SLC4A4: variants seen among roughly 807,000 people sequenced by gnomAD.
SLC4A4 encodes the protein solute carrier family 4 member 4, also known as electrogenic sodium bicarbonate cotransporter 1.
A neutral mutation model predicts 111.5 loss-of-function variants in SLC4A4; 27 were observed. The observed-to-expected ratio is 0.24, with a 90% CI of 0.18 to 0.33. The LOEUF is 0.33. Ranked by LOEUF, SLC4A4 falls within the 10% of genes least tolerant of loss-of-function variation. SLC4A4 has a pLI of 1.00. For missense variants in SLC4A4, 909 were observed against 1,315.5 expected, an observed-to-expected ratio of 0.69 and a Z score of 4.78; for synonymous variants, 443 against 463.4, an observed-to-expected ratio of 0.96 and a Z score of 0.57.
chr4:71,531,094 G>T (rs560282985), intron 16 of SLC4A4, among the ~76,000 whole-genome samples: 4 of 152,228 alleles, frequency 2.6e-5, no homozygotes, highest in East Asian at 3.9e-4. Flanking sequence ...ATTAAATTAT[G>T]TGCTAACATG....
At chr4:71,422,670 T>A (rs1009863064) in intron 7 of SLC4A4, among the ~76,000 whole-genome samples, 118 of 151,596 alleles carry the variant, frequency 7.8e-4, no homozygotes, top group Non-Finnish European at 1.4e-3. Context: ...CTGGGATGCA[T>A]GGCTGGTTCA....
In SLC4A4 at chr4:71,558,158, G is replaced by C. The variant is rs556209804; in HGVS notation, c.2937+273G>C. On this transcript the variant is annotated intron_variant, in intron 22 of 25. Transcript: ENST00000264485. ...CTATTACCTCATCAGTAAAATGGGA[G>C]TTGCATTGTTGTTTTTCTGAGCATC... is the stretch of plus-strand genomic sequence containing the variant. 2.0e-5 allele frequency among the ~76,000 whole-genome samples: 3 copies of C among 152,062 alleles called. No homozygotes were observed. The South Asian group carries it at 6.2e-4, about 31-fold the overall frequency.
intron 14 of SLC4A4, among the ~76,000 whole-genome samples, chr4:71,476,675 T>C (rs1728401952): frequency 6.6e-6 from 1 of 151,738 alleles, no homozygotes; most frequent in Non-Finnish European, 1.5e-5. Context: ...AGCCTAATCA[T>C]TTCCTAATTT....
chr4:71,314,765 C>T (rs1045083212), intron 3 of SLC4A4, among the ~76,000 whole-genome samples: 4 of 150,910 alleles, frequency 2.7e-5, no homozygotes, highest in Admixed American at 1.3e-4. Context: ...TGGGGCCTTT[C>T]GGGGAGTGGG....
At chr4:71,417,509 C>A (rs1212436339) in intron 7 of SLC4A4, among the ~76,000 whole-genome samples, 2 of 152,102 alleles carry the variant, frequency 1.3e-5, no homozygotes, top group Non-Finnish European at 2.9e-5. Flanking sequence ...CATGGCACAA[C>A]AGTGAAAGAG....
chr4:71,486,508 T>C (rs1183268861), intron 14 of SLC4A4, among the ~76,000 whole-genome samples: 1 of 151,562 alleles, frequency 6.6e-6, no homozygotes, highest in Non-Finnish European at 1.5e-5. Flanking sequence ...TGTTGAAATT[T>C]CCAAAAGCTA....
chr4:71,144,359 A>G (rs1040524911), intron 2 of SLC4A4, among the ~76,000 whole-genome samples: 8 of 152,180 alleles, frequency 5.3e-5, no homozygotes, highest in Admixed American at 5.2e-4. Context: ...GCCTTGTAGT[A>G]TAGTTTGAAG....
At chr4:71,495,414 G>T (rs1439259889) in intron 15 of SLC4A4, among the ~76,000 whole-genome samples, 4 of 152,052 alleles carry the variant, frequency 2.6e-5, no homozygotes, top group Admixed American at 2.6e-4. Context: ...AATGTATGCT[G>T]CTGTAAACAT....
chr4:71,547,802 G>A (rs1023621302), intron 20 of SLC4A4, 82 bp downstream of exon 20: 6 of 1,189,278 alleles, frequency 5.0e-6, no homozygotes, highest in South Asian at 3.6e-5. Flanking sequence ...TTCCTCATGA[G>A]ATATTTGCGA....
At chr4:71,156,002 CAT>C (rs1744452143) in intron 2 of SLC4A4, among the ~76,000 whole-genome samples, 1 of 152,192 alleles carries the variant, frequency 6.6e-6, no homozygotes. Context: ...CAAGAATACA[CAT>C]GATTGCTGCT....
chr4:71,402,642 C>A (rs1026252531), intron 7 of SLC4A4, among the ~76,000 whole-genome samples: 3 of 152,172 alleles, frequency 2.0e-5, no homozygotes, highest in Non-Finnish European at 4.4e-5. Flanking sequence ...CTGTGAAAAC[C>A]TAAGAACAAA....
chr4:71,506,033 T>C (rs7689777), intron 16 of SLC4A4, among the ~76,000 whole-genome samples: 65,370 of 151,876 alleles, frequency 0.43, 17,451 homozygotes, highest in African/African-American at 0.72. Context: ...ATTTTCTATT[T>C]AGTTCCATTG....
chr4:71,236,672 A>T, intron 2 of SLC4A4, 23 bp downstream of exon 2: 1 of 1,595,296 alleles, frequency 6.3e-7, no homozygotes, highest in Middle Eastern at 1.7e-4. Context: ...GGTCTGGGAA[A>T]GTGTCTGTTG....
At chr4:71,180,132 A>G (rs1745240196) in intron 2 of SLC4A4, among the ~76,000 whole-genome samples, 1 of 152,234 alleles carries the variant, frequency 6.6e-6, no homozygotes, top group African/African-American at 2.4e-5. Context: ...TGGTGCTGGG[A>G]AAACTGGCTA....
intron 12 of SLC4A4, among the ~76,000 whole-genome samples, chr4:71,457,919 TATA>T: frequency 6.6e-6 from 1 of 152,302 alleles, no homozygotes; most frequent in African/African-American, 2.4e-5. Context: ...CTAGGTTACT[TATA>T]ATGCCTAATA....
chr4:71,459,838 C>T (rs1457495712), intron 12 of SLC4A4, among the ~76,000 whole-genome samples: 1 of 152,002 alleles, frequency 6.6e-6, no homozygotes, highest in Non-Finnish European at 1.5e-5. Flanking sequence ...AGAATTTTGT[C>T]CCATATTCTC....
intron 18 of SLC4A4, among the ~76,000 whole-genome samples, chr4:71,536,470 A>ATATATATATATATG: frequency 1.2e-5 from 1 of 81,812 alleles, no homozygotes; most frequent in African/African-American, 4.2e-5. Context: ...ATATACATAT[A>ATATATATATATATG]TATATATATA....
intron 3 of SLC4A4, among the ~76,000 whole-genome samples, chr4:71,307,253 T>C (rs1453623643): frequency 6.6e-6 from 1 of 152,234 alleles, no homozygotes; most frequent in African/African-American, 2.4e-5. Context: ...GCCTAATTCA[T>C]AACCTCACCC....
intron 19 of SLC4A4, among the ~76,000 whole-genome samples, chr4:71,547,185 A>G (rs1431044533): frequency 6.6e-6 from 1 of 151,956 alleles, no homozygotes; most frequent in African/African-American, 2.4e-5. Flanking sequence ...GTAGATTTGG[A>G]AATTAGACTG....
Sources: gnomAD v4.1 joint callset for allele counts (sites outside exome capture counted in the v4.1 genomes callset) on GRCh38, gnomAD v4.1.1 for gene constraint, MANE v1.5 for transcripts, NCBI Gene and HGNC (gene_info 2026-07-23, HGNC 2026-07-21) for gene names.